Variants in RIMS1 observed in about 807,000 individuals in gnomAD.
The protein encoded by RIMS1 is regulating synaptic membrane exocytosis protein 1.
A neutral mutation model predicts 214.1 loss-of-function variants in RIMS1; 83 were observed. That is an observed-to-expected ratio of 0.39 (90% CI 0.32 to 0.47). The LOEUF is 0.47. Ranked by LOEUF, RIMS1 falls within the 20% of genes least tolerant of loss-of-function variation. The pLI, the probability that RIMS1 is intolerant of heterozygous loss-of-function variation, is 0.99. For synonymous variants in RIMS1, 793 were observed against 786.8 expected (o/e 1.01, Z -0.13); for missense variants, 2,050 against 2,161.8 (o/e 0.95, Z 1.03).
chr6:72,056,513 G>A (rs1360739125), intron 2 of RIMS1, among the ~76,000 whole-genome samples: 2 of 152,154 alleles, frequency 1.3e-5, no homozygotes, highest in East Asian at 3.9e-4. Flanking sequence ...TGAAGTTGTT[G>A]CTCTGATTTT....
chr6:71,966,470 A>G (rs1414266063), intron 1 of RIMS1, among the ~76,000 whole-genome samples: 1 of 152,216 alleles, frequency 6.6e-6, no homozygotes, highest in Admixed American at 6.5e-5. Flanking sequence ...CTGGGACTTG[A>G]GATTAGACAA....
At chr6:72,387,035 A>G (rs960276818) in intron 29 of RIMS1, among the ~76,000 whole-genome samples, 2 of 151,970 alleles carry the variant, frequency 1.3e-5, no homozygotes, top group Admixed American at 6.6e-5. Context: ...CGCTCGGCCT[A>G]TTCACTGTCT....
At chr6:72,166,758 T>G (rs376387264) in intron 4 of RIMS1, among the ~76,000 whole-genome samples, 2 of 151,870 alleles carry the variant, frequency 1.3e-5, no homozygotes, top group African/African-American at 2.4e-5. Flanking sequence ...TTCTGGTGTA[T>G]GAAATAAAAT....
intron 6 of RIMS1, among the ~76,000 whole-genome samples, chr6:72,211,053 C>T (rs62407483): frequency 3.3e-5 from 5 of 152,156 alleles, no homozygotes; most frequent in African/African-American, 1.2e-4. Context: ...GAGGAGGTAT[C>T]GTGAACCTGA....
intron 1 of RIMS1, 106 bp from the exon 2 acceptor site, chr6:71,968,877 C>A: frequency 8.5e-7 from 1 of 1,175,646 alleles, no homozygotes; most frequent in South Asian, 1.3e-5. Flanking sequence ...AAGGGGCTTT[C>A]AAAGACTTTC....
intron 2 of RIMS1, among the ~76,000 whole-genome samples, chr6:72,004,692 C>A (rs1294886435): frequency 6.6e-6 from 1 of 151,874 alleles, no homozygotes; most frequent in Non-Finnish European, 1.5e-5. Context: ...CTGTTCATAT[C>A]CTTTGCCCAC....
intron 2 of RIMS1, among the ~76,000 whole-genome samples, chr6:72,030,735 A>G (rs1294369988): frequency 6.6e-6 from 1 of 152,184 alleles, no homozygotes; most frequent in African/African-American, 2.4e-5. Flanking sequence ...ATCTTTTTAA[A>G]CAAAACAATT....
chr6:72,327,525 A>T (rs2096520458), intron 28 of RIMS1, among the ~76,000 whole-genome samples: 1 of 151,764 alleles, frequency 6.6e-6, no homozygotes, highest in African/African-American at 2.4e-5. Context: ...TCTCTTGAGT[A>T]TATACTTAGG....
chr6:72,307,869 A>G (rs1250274231), intron 27 of RIMS1, among the ~76,000 whole-genome samples: 2 of 152,164 alleles, frequency 1.3e-5, no homozygotes, highest in Non-Finnish European at 2.9e-5. Flanking sequence ...TCATTGAAAT[A>G]TTAACTTGGA....
chr6:71,926,576 A>G (rs900854959), intron 1 of RIMS1, among the ~76,000 whole-genome samples: 6 of 152,272 alleles, frequency 3.9e-5, no homozygotes, highest in African/African-American at 1.4e-4. Context: ...ACAAACCCAA[A>G]CTTGTCTCTC....
intron 28 of RIMS1, among the ~76,000 whole-genome samples, chr6:72,330,495 T>TGGGAA (rs2096622422): frequency 6.6e-6 from 1 of 151,650 alleles, no homozygotes; most frequent in Admixed American, 6.6e-5. Flanking sequence ...CATTCAGCAA[T>TGGGAA]GGGAAGGGGG....
At chr6:72,211,818 T>C (rs924680096) in intron 6 of RIMS1, among the ~76,000 whole-genome samples, 2 of 152,138 alleles carry the variant, frequency 1.3e-5, no homozygotes, top group East Asian at 3.8e-4. Context: ...ACTTTCTGGC[T>C]GTCATATTAG....
chr6:72,263,963 A>T, intron 19 of RIMS1: 1 of 460,990 alleles, frequency 2.2e-6, no homozygotes, highest in Middle Eastern at 1.1e-3. Flanking sequence ...ATTGCACTCC[A>T]GCCTAGATAA....
intron 2 of RIMS1, among the ~76,000 whole-genome samples, chr6:72,037,139 G>A (rs1220886791): frequency 6.6e-6 from 1 of 151,808 alleles, no homozygotes. Flanking sequence ...CGGTTTGGAG[G>A]TTGGGGGTGG....
chr6:72,057,985 C>T (rs1826803384), intron 2 of RIMS1, among the ~76,000 whole-genome samples: 1 of 152,234 alleles, frequency 6.6e-6, no homozygotes, highest in Non-Finnish European at 1.5e-5. Context: ...CTACTTAATA[C>T]AGGTGCAGTT....
At position 71,963,103 on chromosome 6, in the gene RIMS1, A is replaced by G. The variant is rs73749000; in HGVS notation, c.165-5880A>G. ...TCAATATACCTATATCAGGAAATCA[A>G]TGATATTGAAACACGTCTGAGGTTG... On this transcript the variant is annotated intron_variant, in intron 1 of 33. Transcript: ENST00000521978. 3.2e-3 allele frequency among the ~76,000 whole-genome samples: 481 copies of G among 152,298 alleles called. 1 individual carries two copies. The highest frequency in any genetic ancestry group is 0.011 in the African/African-American group (449 of 41,584).
intron 6 of RIMS1, among the ~76,000 whole-genome samples, chr6:72,183,900 AACAC>A (rs551949577): frequency 9.4e-4 from 143 of 152,348 alleles, no homozygotes; most frequent in Middle Eastern, 3.4e-3. Flanking sequence ...TAAAACCTTA[AACAC>A]ACACTTATAG....
chr6:72,399,220 A>G (rs768940537), intron 33 of RIMS1, 126 bp downstream of exon 33: 3 of 638,896 alleles, frequency 4.7e-6, no homozygotes, highest in Non-Finnish European at 7.0e-6. Flanking sequence ...TCTTGAGTAG[A>G]CAAAATTCAA....
rs954000987 is a variant in RIMS1 at position 71,886,920 on chromosome 6, C to T, written c.-104C>T. On this transcript the variant is annotated 5_prime_UTR_variant, in exon 1 of 34. Transcript: ENST00000521978. ...CCGCTGCTCCTCCTCCTGCCGCCGC[C>T]GCTAGGGCTCCGCTGTGAGGGGGAA... The T allele has an allele frequency of 8.7e-6, 12 of 1,383,652 alleles. No individual in the cohort carries two copies. The highest frequency in any genetic ancestry group is 2.7e-5 in the South Asian group (2 of 74,658). The allele number at this position is 1,383,652 out of a possible 1,614,324, so 85.7% of individuals were successfully genotyped here.
Sources: gnomAD v4.1 joint callset for allele counts (sites outside exome capture counted in the v4.1 genomes callset) on GRCh38, gnomAD v4.1.1 for gene constraint, MANE v1.5 for transcripts, NCBI Gene and HGNC (gene_info 2026-07-23, HGNC 2026-07-21) for gene names.